Variants in SGCZ observed in about 807,000 individuals in gnomAD.
SGCZ encodes zeta-sarcoglycan.
A neutral mutation model predicts 41.3 loss-of-function variants in SGCZ; 40 were observed. The ratio of observed to expected loss-of-function variants is 0.97; its 90% CI spans 0.75 to 1.26. SGCZ has a LOEUF of 1.26. SGCZ is among the 50% of genes most tolerant of loss of function. SGCZ has a pLI of 0.00. For missense variants in SGCZ, 552 were observed against 369.8 expected (o/e 1.49, Z -4.04); for synonymous variants, 206 against 137.5 (o/e 1.50, Z -3.49).
At chr8:14,810,882 A>G (rs541687162) in intron 1 of SGCZ, among the ~76,000 whole-genome samples, 247 of 152,194 alleles carry the variant, frequency 1.6e-3, no homozygotes, top group Non-Finnish European at 2.7e-3. Context: ...TATTTTGTGC[A>G]TAACATAGAG....
At chr8:14,687,592 C>G (rs1808657123) in intron 1 of SGCZ, among the ~76,000 whole-genome samples, 1 of 151,720 alleles carries the variant, frequency 6.6e-6, no homozygotes, top group African/African-American at 2.4e-5. Context: ...TCCAGTCTAT[C>G]ATTGTTGGAC....
rs116489425 is a variant in SGCZ, at chr8:15,028,470, C to T, written c.39+209115G>A. Among the ~76,000 whole-genome samples, 470 of 146,724 alleles carry T rather than the reference C, an allele frequency of 3.2e-3. 3 individuals carry two copies. The highest frequency in any genetic ancestry group is 0.011 in the African/African-American group (451 of 39,258). Reference sequence around the variant, plus strand: ...AAGTCAGTTTCATAAGGAACACCATCGTCTAAGTTGAAGTCAGTTTCATAA... The same window carrying T: ...AAGTCAGTTTCATAAGGAACACCATTGTCTAAGTTGAAGTCAGTTTCATAA... On this transcript the variant is annotated intron_variant, in intron 1 of 7. Coordinates refer to ENST00000382080, the MANE Select transcript of SGCZ (RefSeq NM_139167.4).
intron 1 of SGCZ, among the ~76,000 whole-genome samples, chr8:14,581,658 A>T (rs1229818894): frequency 6.6e-6 from 1 of 152,150 alleles, no homozygotes; most frequent in Non-Finnish European, 1.5e-5. Flanking sequence ...AAGCATCACC[A>T]AGAGTTACTA....
chr8:14,868,899 G>C (rs1254894470), intron 1 of SGCZ, among the ~76,000 whole-genome samples: 1 of 151,936 alleles, frequency 6.6e-6, no homozygotes, highest in African/African-American at 2.4e-5. Flanking sequence ...GAAGAAGCTG[G>C]ATCCCAGAAT....
intron 1 of SGCZ, among the ~76,000 whole-genome samples, chr8:14,560,270 T>G (rs1804168889): frequency 6.6e-6 from 1 of 152,062 alleles, no homozygotes; most frequent in South Asian, 2.1e-4. Flanking sequence ...CTAATTGTCC[T>G]GATTTGATCA....
chr8:15,170,894 G>A (rs189476183), intron 1 of SGCZ, among the ~76,000 whole-genome samples: 35 of 152,338 alleles, frequency 2.3e-4, no homozygotes, highest in Non-Finnish European at 4.6e-4. Flanking sequence ...AAGAGGCACA[G>A]TTGTGTAATC....
intron 1 of SGCZ, among the ~76,000 whole-genome samples, chr8:15,027,685 G>A (rs1245469844): frequency 6.6e-6 from 1 of 152,036 alleles, no homozygotes; most frequent in Non-Finnish European, 1.5e-5. Context: ...CATCTTCAAA[G>A]TTCCAAAACA....
intron 1 of SGCZ, among the ~76,000 whole-genome samples, chr8:15,119,903 G>A (rs1226347026): frequency 1.3e-5 from 2 of 152,146 alleles, no homozygotes; most frequent in Non-Finnish European, 2.9e-5. Flanking sequence ...TCGAACTCCT[G>A]AGCTCAAGCC....
At chr8:14,272,004 C>G (rs1202267537) in intron 3 of SGCZ, among the ~76,000 whole-genome samples, 1 of 151,916 alleles carries the variant, frequency 6.6e-6, no homozygotes, top group Non-Finnish European at 1.5e-5. Flanking sequence ...TACCAATGCC[C>G]TAAGTAATTT....
At chr8:14,456,821 A>T (rs34946059) in intron 2 of SGCZ, among the ~76,000 whole-genome samples, 2 of 151,964 alleles carry the variant, frequency 1.3e-5, no homozygotes, top group African/African-American at 4.8e-5. Context: ...CTCGTGGCAT[A>T]CTGCTGTCTT....
chr8:14,654,442 G>A lies in SGCZ; in HGVS notation c.40-99516C>T, dbSNP rs758097114. Among the ~76,000 whole-genome samples the A allele has an allele frequency of 9.5e-4, 145 of 152,158 alleles. 4 individuals carry two copies. Among genetic ancestry groups the A allele is most frequent in the South Asian group, 5.2e-3 (25 of 4,820 alleles). ...ATAATAATAATGCCTATTTATAGTA[G>A]TTGCTATGAGAATTAAGCATGTAAA... On this transcript the variant is annotated intron_variant, in intron 1 of 7. Coordinates refer to ENST00000382080, the MANE Select transcript of SGCZ (RefSeq NM_139167.4).
intron 3 of SGCZ, among the ~76,000 whole-genome samples, chr8:14,252,669 T>C (rs936569615): frequency 3.3e-5 from 5 of 152,200 alleles, no homozygotes; most frequent in Middle Eastern, 3.4e-3. Context: ...CGAGATAATA[T>C]AAAGTCGAGG....
At chr8:14,737,783 A>G (rs912254446) in intron 1 of SGCZ, among the ~76,000 whole-genome samples, 4 of 152,026 alleles carry the variant, frequency 2.6e-5, no homozygotes, top group African/African-American at 4.8e-5. Flanking sequence ...TAACTTAATC[A>G]TCTCTTTATA....
chr8:14,216,667 A>G (rs1806003798), intron 4 of SGCZ, among the ~76,000 whole-genome samples: 1 of 152,196 alleles, frequency 6.6e-6, no homozygotes, highest in African/African-American at 2.4e-5. Context: ...ATCCAGAAAA[A>G]TACTTAATGA....
chr8:14,492,342 T>C (rs1475140096), intron 2 of SGCZ, among the ~76,000 whole-genome samples: 1 of 152,218 alleles, frequency 6.6e-6, no homozygotes, highest in African/African-American at 2.4e-5. Context: ...ATTATGTTTC[T>C]TTGTGTATTA....
chr8:15,215,959 C>A (rs1207842568), intron 1 of SGCZ, among the ~76,000 whole-genome samples: 1 of 152,122 alleles, frequency 6.6e-6, no homozygotes, highest in African/African-American at 2.4e-5. Context: ...ATTGGAAGTA[C>A]ATCCTTGTTG....
At chr8:14,822,151 A>C (rs1802119619) in intron 1 of SGCZ, among the ~76,000 whole-genome samples, 1 of 152,076 alleles carries the variant, frequency 6.6e-6, no homozygotes, top group African/African-American at 2.4e-5. Flanking sequence ...TTCAGGACAC[A>C]AAAATCAACA....
At chr8:14,695,688 TG>T (rs1808936374) in intron 1 of SGCZ, among the ~76,000 whole-genome samples, 2 of 150,100 alleles carry the variant, frequency 1.3e-5, no homozygotes, top group South Asian at 4.2e-4. Flanking sequence ...AAATTAAACA[TG>T]CACACGCACA....
At chr8:14,615,865 T>G (rs1025836783) in intron 1 of SGCZ, among the ~76,000 whole-genome samples, 33 of 152,176 alleles carry the variant, frequency 2.2e-4, no homozygotes, top group African/African-American at 7.7e-4. Flanking sequence ...TTCATCCCAT[T>G]CAATTCTATC....
Sources: allele counts gnomAD v4.1 joint callset (sites outside exome capture counted in the v4.1 genomes callset), GRCh38; gene constraint gnomAD v4.1.1; transcripts MANE v1.5; gene names NCBI Gene and HGNC (gene_info 2026-07-23, HGNC 2026-07-21).